IGFBP2: variants seen among roughly 807,000 people sequenced by gnomAD.
IGFBP2 encodes the protein insulin like growth factor binding protein 2.
In IGFBP2, 12 loss-of-function variants were observed where a neutral mutation model predicts 26.2. The ratio of observed to expected loss-of-function variants is 0.46; its 90% CI spans 0.29 to 0.74. The LOEUF is 0.74. Ranked by LOEUF, IGFBP2 falls within the 30% of genes least tolerant of loss-of-function variation. The pLI is 0.09. For missense variants in IGFBP2, 328 were observed against 441.2 expected, an observed-to-expected ratio of 0.74 and a Z score of 2.30; for synonymous variants, 189 against 200.6, an observed-to-expected ratio of 0.94 and a Z score of 0.49.
chr2:216,652,561 C>G (rs1298768547), intron 1 of IGFBP2, among the ~76,000 whole-genome samples: 2 of 152,222 alleles, frequency 1.3e-5, no homozygotes, highest in Non-Finnish European at 2.9e-5. Flanking sequence ...GAGTGAATCT[C>G]AAAGGGCAAA....
At chr2:216,640,011 C>T (rs561603190) in intron 1 of IGFBP2, among the ~76,000 whole-genome samples, 1 of 152,160 alleles carries the variant, frequency 6.6e-6, no homozygotes, top group African/African-American at 2.4e-5. Context: ...CTGTATGTTC[C>T]CGACTCCCTC....
At chr2:216,653,365 A>G (rs533591209) in intron 1 of IGFBP2, among the ~76,000 whole-genome samples, 10 of 152,332 alleles carry the variant, frequency 6.6e-5, no homozygotes, top group African/African-American at 2.4e-4. Context: ...ACAGGATTAC[A>G]TTGGAAAAAT....
chr2:216,642,810 A>G (rs1002655648), intron 1 of IGFBP2, among the ~76,000 whole-genome samples: 3 of 152,226 alleles, frequency 2.0e-5, no homozygotes, highest in Non-Finnish European at 2.9e-5. Flanking sequence ...CAGGTAACAC[A>G]GGGTTGAGTT....
chr2:216,638,230 C>T lies in IGFBP2; in HGVS notation c.442+4265C>T, dbSNP rs911273333. ...ATAAAAATGCCACGGGTTGGCCAGG[C>T]GCGGTGGCTCACGCCTGTAATTCCA... is the stretch of plus-strand genomic sequence containing the variant. On this transcript the variant is annotated intron_variant, in intron 1 of 3. Coordinates refer to ENST00000233809, the MANE Select transcript of IGFBP2 (RefSeq NM_000597.3). Among the ~76,000 whole-genome samples, 5 of 151,656 alleles carry T rather than the reference C, an allele frequency of 3.3e-5. No homozygotes were observed. In the East Asian group the frequency reaches 7.8e-4, roughly 24 times the overall value.
At chr2:216,652,585 G>A (rs1194317191) in intron 1 of IGFBP2, among the ~76,000 whole-genome samples, 2 of 152,210 alleles carry the variant, frequency 1.3e-5, no homozygotes, top group African/African-American at 4.8e-5. Context: ...GGCATTCAGG[G>A]TTCTTGACTG....
At chr2:216,641,434 A>G (rs909231568) in intron 1 of IGFBP2, among the ~76,000 whole-genome samples, 3 of 152,230 alleles carry the variant, frequency 2.0e-5, no homozygotes, top group Non-Finnish European at 4.4e-5. Flanking sequence ...GTGTAAAGAT[A>G]TAAACTATAT....
intron 1 of IGFBP2, among the ~76,000 whole-genome samples, chr2:216,641,966 C>T (rs1387821704): frequency 6.9e-6 from 1 of 144,148 alleles, no homozygotes; most frequent in Non-Finnish European, 1.5e-5. Flanking sequence ...CTGATGATTA[C>T]AGGCGTGAGC....
intron 1 of IGFBP2, among the ~76,000 whole-genome samples, chr2:216,640,114 C>T (rs1053234489): frequency 3.9e-5 from 6 of 152,132 alleles, no homozygotes; most frequent in Admixed American, 1.3e-4. Flanking sequence ...TTTCCTACTC[C>T]GGCTCAGCTA....
rs1260972167 is a variant in IGFBP2, at chr2:216,660,660, G to A, written c.546G>A (p.Lys182=). 15 of 1,614,190 alleles carry A rather than the reference G, an allele frequency of 9.3e-6. No homozygotes were observed. The highest frequency in any genetic ancestry group is 1.3e-5 in the Non-Finnish European group (15 of 1,180,034). The change falls in exon 2 of 4, where the codon AAG becomes AAA. Residue 182 remains lysine (K), a synonymous_variant. Transcript: ENST00000233809. ...GGGSAGRKPL[K]SGMKELAVFR... ...GCAGTGCTGGCCGGAAGCCCCTCAA[G>A]TCGGGTATGAAGGAGCTGGCCGTGT... is the stretch of plus-strand genomic sequence containing the variant.
intron 1 of IGFBP2, among the ~76,000 whole-genome samples, chr2:216,649,193 G>T (rs1447203626): frequency 2.0e-5 from 3 of 152,246 alleles, no homozygotes; most frequent in Non-Finnish European, 2.9e-5. Flanking sequence ...GCACATAAAG[G>T]TTTTATTTTC....
At chr2:216,635,533 C>CT (rs775058139) in intron 1 of IGFBP2, among the ~76,000 whole-genome samples, 1 of 152,220 alleles carries the variant, frequency 6.6e-6, no homozygotes. Flanking sequence ...TGAAAGGCCT[C>CT]TAAGTTCATA....
At chr2:216,659,026 C>T (rs953720280) in intron 1 of IGFBP2, among the ~76,000 whole-genome samples, 2 of 152,230 alleles carry the variant, frequency 1.3e-5, no homozygotes, top group Non-Finnish European at 2.9e-5. Flanking sequence ...AACCCGGCTA[C>T]ACCCCTTTAA....
Position 216,661,839 on chromosome 2 carries a change from C to G in IGFBP2, c.673-19C>G. On this transcript the variant is annotated intron_variant, in intron 2 of 3. Transcript: ENST00000233809. ...CTGCTGTCCTCACTCCGGGCGTCCC[C>G]TGCTGTCTGTGCGTGCAGACTCCCT... 1.2e-6 allele frequency: 2 copies of G among 1,614,012 alleles called. No homozygotes were observed.
chr2:216,662,074 AC>A (rs1688663559), intron 3 of IGFBP2, 76 bp downstream of exon 3: 29 of 1,480,080 alleles, frequency 2.0e-5, no homozygotes, highest in Non-Finnish European at 2.7e-5. Flanking sequence ...TTTCTGCCCC[AC>A]CCGCCTATGA....
intron 1 of IGFBP2, among the ~76,000 whole-genome samples, chr2:216,648,242 C>T (rs1177221447): frequency 1.3e-5 from 2 of 152,194 alleles, no homozygotes; most frequent in African/African-American, 4.8e-5. Flanking sequence ...CACTCAGCAC[C>T]CTCTGGCAGC....
intron 2 of IGFBP2, 163 bp downstream of exon 2, chr2:216,660,949 G>A: frequency 3.2e-6 from 2 of 618,484 alleles, no homozygotes; most frequent in Admixed American, 2.8e-5. Flanking sequence ...GACCTTTGGG[G>A]CAGTCAGTAT....
intron 1 of IGFBP2, among the ~76,000 whole-genome samples, chr2:216,651,106 A>C (rs1697814649): frequency 6.6e-6 from 1 of 152,208 alleles, no homozygotes; most frequent in East Asian, 1.9e-4. Context: ...TGAAAAAAAA[A>C]GTCAGGGGAA....
intron 3 of IGFBP2, 23 bp downstream of exon 3, chr2:216,662,021 C>T: frequency 6.2e-7 from 1 of 1,612,436 alleles, no homozygotes; most frequent in Middle Eastern, 1.7e-4. Context: ...CCAGCCTGGG[C>T]CAGAGCAGCT....
intron 1 of IGFBP2, among the ~76,000 whole-genome samples, chr2:216,638,285 A>G (rs1697540906): frequency 6.6e-6 from 1 of 151,796 alleles, no homozygotes; most frequent in Non-Finnish European, 1.5e-5. Flanking sequence ...TGGGCAGATC[A>G]CCTAAGGCCA....
Sources: gnomAD v4.1 joint callset for allele counts (sites outside exome capture counted in the v4.1 genomes callset) on GRCh38, gnomAD v4.1.1 for gene constraint, MANE v1.5 for transcripts, NCBI Gene and HGNC (gene_info 2026-07-23, HGNC 2026-07-21) for gene names.